The following PCDH7 variants were observed in gnomAD, a reference collection of about 807,000 sequenced individuals.
The protein encoded by PCDH7 is protocadherin 7, also known as protocadherin-7.
A neutral mutation model predicts 58.9 loss-of-function variants in PCDH7; 17 were observed. That is an observed-to-expected ratio of 0.29 (90% CI 0.20 to 0.43). The LOEUF (loss-of-function observed/expected upper bound fraction) is 0.43, where lower values mean the gene tolerates loss of function less well. Among genes scored for constraint, PCDH7 ranks in the 20% least tolerant of loss-of-function variants. PCDH7 has a pLI of 1.00. For synonymous variants in PCDH7, 664 were observed against 616.4 expected, an observed-to-expected ratio of 1.08 and a Z score of -1.14; for missense variants, 1,274 against 1,441.0, an observed-to-expected ratio of 0.88 and a Z score of 1.88.
intron 3 of PCDH7, among the ~76,000 whole-genome samples, chr4:30,986,226 G>T (rs905515812): frequency 1.1e-4 from 17 of 152,108 alleles, no homozygotes; most frequent in African/African-American, 4.1e-4. Flanking sequence ...CTTTTGGCCT[G>T]CAATTGATTT....
chr4:31,007,091 A>G (rs916842689), intron 3 of PCDH7, among the ~76,000 whole-genome samples: 3 of 152,188 alleles, frequency 2.0e-5, no homozygotes, highest in African/African-American at 7.2e-5. Context: ...GCACTGGTAT[A>G]ACTTGGTGGC....
intron 1 of PCDH7, among the ~76,000 whole-genome samples, chr4:30,754,175 TG>T (rs879369764): frequency 0.041 from 6,139 of 151,522 alleles, 305 homozygotes; most frequent in African/African-American, 0.12. Flanking sequence ...TGTGTGTGTG[TG>T]TGTGTGTGTG....
intron 3 of PCDH7, among the ~76,000 whole-genome samples, chr4:31,038,999 C>A (rs1755632382): frequency 6.6e-6 from 1 of 151,926 alleles, no homozygotes; most frequent in African/African-American, 2.4e-5. Flanking sequence ...TAGCATATAC[C>A]AAGTGCTTAA....
chr4:31,115,299 T>C (rs1716858579), intron 3 of PCDH7, among the ~76,000 whole-genome samples: 4 of 152,118 alleles, frequency 2.6e-5, no homozygotes, highest in Non-Finnish European at 4.4e-5. Flanking sequence ...AAAAGTATGT[T>C]AACTGGTATT....
chr4:30,815,432 G>T (rs1295679509), intron 1 of PCDH7, among the ~76,000 whole-genome samples: 1 of 152,198 alleles, frequency 6.6e-6, no homozygotes, highest in Admixed American at 6.5e-5. Flanking sequence ...GGCATCTTTA[G>T]ATCCAAGTGC....
chr4:31,128,315 T>C (rs983439202), intron 3 of PCDH7, among the ~76,000 whole-genome samples: 34 of 152,106 alleles, frequency 2.2e-4, no homozygotes, highest in South Asian at 6.2e-4. Flanking sequence ...TCCATGATTA[T>C]ACCCATTTTA....
rs186541371 is a variant in PCDH7 at position 30,824,291 on chromosome 4, C to T, written c.71-95862C>T. On this transcript the variant is annotated intron_variant, in intron 1 of 3. Coordinates refer to the PCDH7 transcript ENST00000509759. ...ACCAAGTGTAGCCTGTGTGTGTTCT[C>T]CCTCCATTCAAAAATTTAAACACAA... is the stretch of plus-strand genomic sequence containing the variant. Among the ~76,000 whole-genome samples the T allele has an allele frequency of 7.5e-4, 114 of 151,988 alleles. No individual in the cohort carries two copies. The Middle Eastern group carries it at 0.034, about 45-fold the overall frequency.
intron 3 of PCDH7, among the ~76,000 whole-genome samples, chr4:31,014,982 G>A (rs1213104300): frequency 6.6e-6 from 1 of 152,028 alleles, no homozygotes; most frequent in Non-Finnish European, 1.5e-5. Context: ...CACAGCAAAG[G>A]CAATCAATAT....
chr4:30,797,989 TC>T (rs1338998331), intron 1 of PCDH7, among the ~76,000 whole-genome samples: 1 of 152,192 alleles, frequency 6.6e-6, no homozygotes, highest in South Asian at 2.1e-4. Flanking sequence ...AGCTTCGCGT[TC>T]TTTTGTGTTA....
intron 3 of PCDH7, among the ~76,000 whole-genome samples, chr4:30,985,292 T>C (rs1388613951): frequency 2.0e-5 from 3 of 152,198 alleles, no homozygotes; most frequent in Non-Finnish European, 4.4e-5. Flanking sequence ...TTCATTTGTC[T>C]TTGTTTTGAG....
intron 3 of PCDH7, among the ~76,000 whole-genome samples, chr4:31,056,755 GA>G (rs142121357): frequency 0.12 from 18,344 of 151,986 alleles, 1,342 homozygotes; most frequent in East Asian, 0.26. Flanking sequence ...AGAAAAGAAA[GA>G]GAGCCCAATG....
At position 31,097,638 on chromosome 4, in the gene PCDH7, A is replaced by AT. The variant is rs370034723; in HGVS notation, c.*8-44835_*8-44834insT. On this transcript the variant is annotated intron_variant, in intron 3 of 3. Transcript: ENST00000509759. ...TATATATATATATATATATATATAT[A>AT]AATCTTTTTTCTGTAATTTCTGTAA... 3.1e-3 allele frequency among the ~76,000 whole-genome samples: 245 copies of AT among 79,044 alleles called. 2 individuals are homozygous for AT. The highest frequency in any genetic ancestry group is 7.5e-3 in the Middle Eastern group (1 of 134). 51.9% of individuals were successfully genotyped at this position (79,044 alleles called of 152,430 possible).
intron 2 of PCDH7, among the ~76,000 whole-genome samples, chr4:30,932,290 A>G (rs766341206): frequency 2.0e-5 from 3 of 152,198 alleles, no homozygotes; most frequent in Non-Finnish European, 4.4e-5. Flanking sequence ...GATGTCTACC[A>G]CAGCTAGTGC....
downstream of PCDH7, chr4:31,144,683 A>G (rs1269090053): frequency 6.6e-6 from 1 of 152,062 alleles, no homozygotes; most frequent in African/African-American, 2.4e-5. Flanking sequence ...TATCTTTGAA[A>G]ACCGCTTCTC....
intron 3 of PCDH7, among the ~76,000 whole-genome samples, chr4:31,004,534 AC>A (rs1172176636): frequency 1.3e-5 from 2 of 151,972 alleles, no homozygotes; most frequent in Non-Finnish European, 2.9e-5. Flanking sequence ...ACATGGTGAA[AC>A]CCCATCTCTA....
chr4:31,000,051 T>C (rs1752232095), intron 3 of PCDH7, among the ~76,000 whole-genome samples: 1 of 152,144 alleles, frequency 6.6e-6, no homozygotes, highest in Admixed American at 6.6e-5. Context: ...CTATTGCATA[T>C]ATGCTCATTT....
intron 3 of PCDH7, among the ~76,000 whole-genome samples, chr4:31,123,583 C>T (rs1047529717): frequency 1.3e-5 from 2 of 152,128 alleles, no homozygotes; most frequent in Admixed American, 6.5e-5. Flanking sequence ...ACCTCTGGAG[C>T]CCCAGAGGGT....
At chr4:30,842,211 A>G (rs1466851856) in intron 1 of PCDH7, among the ~76,000 whole-genome samples, 2 of 152,174 alleles carry the variant, frequency 1.3e-5, no homozygotes, top group African/African-American at 4.8e-5. Context: ...TATTACTTGT[A>G]ATATTTTATA....
At chr4:30,945,615 A>AT (rs144996507) in intron 2 of PCDH7, among the ~76,000 whole-genome samples, 39 of 151,742 alleles carry the variant, frequency 2.6e-4, no homozygotes, top group African/African-American at 8.9e-4. Flanking sequence ...TTCTCTATTT[A>AT]TTTTTTTTAA....
Sources: allele counts gnomAD v4.1 joint callset (sites outside exome capture counted in the v4.1 genomes callset), GRCh38; gene constraint gnomAD v4.1.1; transcripts MANE v1.5; gene names NCBI Gene and HGNC (gene_info 2026-07-23, HGNC 2026-07-21).